Variants in ZBTB7C observed in about 807,000 individuals in gnomAD.
The protein encoded by ZBTB7C is zinc finger and BTB domain containing 7C.
In ZBTB7C, 8 loss-of-function variants were observed where a neutral mutation model predicts 25.7. That is an observed-to-expected ratio of 0.31 (90% CI 0.18 to 0.56). ZBTB7C has a LOEUF of 0.56. Among genes scored for constraint, ZBTB7C ranks in the 20% least tolerant of loss-of-function variants. The pLI, the probability that ZBTB7C is intolerant of heterozygous loss-of-function variation, is 0.91. For synonymous variants in ZBTB7C, 394 were observed against 369.0 expected (o/e 1.07, Z -0.78); for missense variants, 824 against 855.2 (o/e 0.96, Z 0.46).
intron 3 of ZBTB7C, among the ~76,000 whole-genome samples, chr18:48,155,542 A>T (rs1293213335): frequency 1.3e-5 from 2 of 151,082 alleles, no homozygotes; most frequent in African/African-American, 4.9e-5. Context: ...TCACCGCATT[A>T]GCCAGGATGG....
At chr18:48,303,672 AG>A (rs1322513372) in intron 2 of ZBTB7C, among the ~76,000 whole-genome samples, 1 of 152,182 alleles carries the variant, frequency 6.6e-6, no homozygotes, top group Non-Finnish European at 1.5e-5. Context: ...GGCAGAGGCC[AG>A]GTAGGCCAAG....
chr18:48,131,150 C>T (rs760467410), intron 3 of ZBTB7C, among the ~76,000 whole-genome samples: 24 of 152,312 alleles, frequency 1.6e-4, no homozygotes, highest in Non-Finnish European at 2.5e-4. Context: ...GTGATCCGCC[C>T]GCCTCCGCGT....
chr18:48,056,905 A>G (rs1176816426), intron 3 of ZBTB7C, among the ~76,000 whole-genome samples: 14 of 152,142 alleles, frequency 9.2e-5, no homozygotes, highest in Admixed American at 9.2e-4. Context: ...ATTTATGTAC[A>G]TCCAAAATTC....
At chr18:48,125,653 A>G (rs2039775877) in intron 3 of ZBTB7C, among the ~76,000 whole-genome samples, 1 of 152,160 alleles carries the variant, frequency 6.6e-6, no homozygotes, top group African/African-American at 2.4e-5. Flanking sequence ...GGTCAGGCAG[A>G]TCCTTATTCT....
chr18:48,260,037 T>C (rs571744485), intron 2 of ZBTB7C, among the ~76,000 whole-genome samples: 1 of 152,272 alleles, frequency 6.6e-6, no homozygotes, highest in Non-Finnish European at 1.5e-5. Flanking sequence ...TGAAAACATA[T>C]CCACACAGAC....
At chr18:48,212,784 C>A (rs1356451718) in intron 2 of ZBTB7C, among the ~76,000 whole-genome samples, 5 of 151,988 alleles carry the variant, frequency 3.3e-5, no homozygotes, top group Non-Finnish European at 7.4e-5. Context: ...CTGTCCATGC[C>A]AGACAAGGGG....
chr18:48,152,410 A>G (rs2040707605), intron 3 of ZBTB7C, among the ~76,000 whole-genome samples: 1 of 152,354 alleles, frequency 6.6e-6, no homozygotes, highest in South Asian at 2.1e-4. Context: ...TGTTTTACCT[A>G]TGGTAGGGAA....
intron 3 of ZBTB7C, among the ~76,000 whole-genome samples, chr18:48,175,794 T>C (rs1315215204): frequency 3.3e-5 from 5 of 152,188 alleles, no homozygotes; most frequent in African/African-American, 1.2e-4. Flanking sequence ...TAAAATATCA[T>C]AGGTGAGAAA....
intron 3 of ZBTB7C, among the ~76,000 whole-genome samples, chr18:48,074,170 C>T (rs576146773): frequency 1.0e-3 from 154 of 152,196 alleles, no homozygotes; most frequent in African/African-American, 3.2e-3. Context: ...CATGCCACCA[C>T]GCCTAGCTAA....
rs566170234 is a variant in ZBTB7C at position 48,317,145 on chromosome 18, C to T, written c.-79+21029G>A. On this transcript the variant is annotated intron_variant, in intron 2 of 4. Transcript: ENST00000590800. ...AAAATCAGCCAGGTGTGATGGTGGG[C>T]GCCTGTAATCCCAGCTACTCAGGAG... 2.3e-3 allele frequency among the ~76,000 whole-genome samples: 355 copies of T among 151,090 alleles called. 3 individuals carry two copies. The highest frequency in any genetic ancestry group is 8.0e-3 in the African/African-American group (331 of 41,240).
At chr18:48,218,878 C>T (rs2042887339) in intron 2 of ZBTB7C, among the ~76,000 whole-genome samples, 1 of 152,098 alleles carries the variant, frequency 6.6e-6, no homozygotes, top group Admixed American at 6.5e-5. Context: ...TATGCCGGGG[C>T]CAAGAGTGAA....
chr18:48,339,900 G>A (rs2046555287), intron 1 of ZBTB7C, among the ~76,000 whole-genome samples: 1 of 152,186 alleles, frequency 6.6e-6, no homozygotes, highest in Admixed American at 6.5e-5. Flanking sequence ...CTTTGGGAGA[G>A]GCTAGGCTGA....
chr18:48,050,942 C>T (rs2036661406), intron 3 of ZBTB7C, among the ~76,000 whole-genome samples: 1 of 152,088 alleles, frequency 6.6e-6, no homozygotes, highest in East Asian at 1.9e-4. Context: ...AATTATTTTG[C>T]CTATTTTGCC....
chr18:48,181,521 A>T (rs192732627), intron 3 of ZBTB7C, among the ~76,000 whole-genome samples: 156 of 152,298 alleles, frequency 1.0e-3, no homozygotes, highest in Non-Finnish European at 1.7e-3. Context: ...CAAAGAGGCA[A>T]CTGAGGCCCC....
At chr18:48,300,586 G>A (rs562285507) in intron 2 of ZBTB7C, among the ~76,000 whole-genome samples, 16 of 152,264 alleles carry the variant, frequency 1.1e-4, no homozygotes, top group African/African-American at 3.6e-4. Flanking sequence ...CCTAGAAGAG[G>A]AAGAGCTAGA....
chr18:48,161,170 G>A (rs763981901), intron 3 of ZBTB7C, among the ~76,000 whole-genome samples: 17 of 151,870 alleles, frequency 1.1e-4, no homozygotes, highest in Non-Finnish European at 1.8e-4. Flanking sequence ...CTGTGGGGGA[G>A]GGAGGGCCTC....
At chr18:48,266,760 A>C (rs1392311483) in intron 2 of ZBTB7C, among the ~76,000 whole-genome samples, 1 of 152,086 alleles carries the variant, frequency 6.6e-6, no homozygotes, top group East Asian at 1.9e-4. Flanking sequence ...ATTTTATTAC[A>C]AGTTACTTTC....
At chr18:48,402,909 A>C (rs1005724271) in intron 1 of ZBTB7C, among the ~76,000 whole-genome samples, 1 of 152,208 alleles carries the variant, frequency 6.6e-6, no homozygotes, top group Non-Finnish European at 1.5e-5. Context: ...ACTGAATGCT[A>C]ATAGTTTTTT....
chr18:48,363,396 C>A (rs373535884), intron 1 of ZBTB7C, among the ~76,000 whole-genome samples: 4 of 152,176 alleles, frequency 2.6e-5, no homozygotes, highest in African/African-American at 7.2e-5. Context: ...CCAGCCCCAG[C>A]CCCCACCCAC....
Sources: allele counts gnomAD v4.1 joint callset (sites outside exome capture counted in the v4.1 genomes callset), GRCh38; gene constraint gnomAD v4.1.1; transcripts MANE v1.5; gene names NCBI Gene and HGNC (gene_info 2026-07-23, HGNC 2026-07-21).